Variants in ECPAS observed in about 807,000 individuals in gnomAD.
The protein encoded by ECPAS is proteasome adapter and scaffold protein ECM29.
In ECPAS, 70 loss-of-function variants were observed where a neutral mutation model predicts 255.1. The ratio of observed to expected loss-of-function variants is 0.27; its 90% CI spans 0.23 to 0.33. ECPAS has a LOEUF of 0.33. Ranked by LOEUF, ECPAS falls within the 10% of genes least tolerant of loss-of-function variation. ECPAS has a pLI of 1.00. For synonymous variants in ECPAS, 784 were observed against 775.0 expected (o/e 1.01, Z -0.19); for missense variants, 1,817 against 2,206.4 (o/e 0.82, Z 3.54).
At chr9:111,483,039 T>G (rs564470845) in intron 1 of ECPAS, among the ~76,000 whole-genome samples, 2 of 152,216 alleles carry the variant, frequency 1.3e-5, no homozygotes, top group Non-Finnish European at 2.9e-5. Flanking sequence ...ACCTTTCGGC[T>G]GATTACTAGA....
At chr9:111,366,174 T>G in intron 48 of ECPAS, 65 bp downstream of exon 48, 1 of 1,060,328 alleles carries the variant, frequency 9.4e-7, no homozygotes, top group Non-Finnish European at 1.4e-6. Context: ...TAGGAAATAT[T>G]TGAAGCTCAG....
At chr9:111,458,116 A>C (rs920448229) in intron 2 of ECPAS, among the ~76,000 whole-genome samples, 6 of 152,206 alleles carry the variant, frequency 3.9e-5, no homozygotes, top group Non-Finnish European at 8.8e-5. Context: ...ATACATTATT[A>C]ATATAGACTT....
chr9:111,395,100 C>CG (rs2131628028), intron 25 of ECPAS, among the ~76,000 whole-genome samples: 1 of 152,284 alleles, frequency 6.6e-6, no homozygotes, highest in East Asian at 1.9e-4. Context: ...AATTCCCCTC[C>CG]GCCCCTTGTC....
At chr9:111,456,139 A>G (rs1268584251) in intron 2 of ECPAS, among the ~76,000 whole-genome samples, 1 of 152,224 alleles carries the variant, frequency 6.6e-6, no homozygotes, top group Middle Eastern at 3.2e-3. Context: ...CTTCTTAACT[A>G]TGTAATAATA....
At chr9:111,424,314 T>C (rs997640594) in intron 12 of ECPAS, among the ~76,000 whole-genome samples, 1 of 152,204 alleles carries the variant, frequency 6.6e-6, no homozygotes, top group Admixed American at 6.5e-5. Context: ...TTCACAGTAA[T>C]CTAATCAAGC....
chr9:111,362,176 G>GAAAAAAAAAAAAA lies in ECPAS; in HGVS notation c.5381-8_5381-7insTTTTTTTTTTTTT. On this transcript the variant is annotated splice_region_variant and splice_polypyrimidine_tract_variant and intron_variant, in intron 49 of 49. Transcript: ENST00000684092. ...CATTCCCACTGTTTAGATTCTGCATGAAAAAAAAAAAACAAAAACAAAAAA... is the reference window on the plus strand; with the variant it reads ...CATTCCCACTGTTTAGATTCTGCATGAAAAAAAAAAAAAAAAAAAAAAAAACAAAAACAAAAAA... 1 of 1,187,954 alleles carries GAAAAAAAAAAAAA rather than the reference G, an allele frequency of 8.4e-7. No individual in the cohort carries two copies. Among genetic ancestry groups the GAAAAAAAAAAAAA allele is most frequent in the African/African-American group, 1.8e-5 (1 of 54,644 alleles). 73.6% of individuals were successfully genotyped at this position (1,187,954 alleles called of 1,614,324 possible). A position where few individuals can be genotyped will look rare whatever the true frequency, so the allele number is the denominator to read the frequency against.
intron 46 of ECPAS, 21 bp from the exon 47 acceptor site, chr9:111,366,648 G>A (rs1281992567): frequency 2.0e-6 from 3 of 1,508,212 alleles, no homozygotes; most frequent in African/African-American, 1.4e-5. Context: ...AAGACAAGGT[G>A]GGACAGAGCA....
At chr9:111,454,545 A>G (rs1348431215) in intron 2 of ECPAS, among the ~76,000 whole-genome samples, 1 of 152,168 alleles carries the variant, frequency 6.6e-6, no homozygotes, top group Non-Finnish European at 1.5e-5. Flanking sequence ...TGGCTACACC[A>G]GAGGAAAAGG....
chr9:111,480,744 C>T (rs975330717), intron 1 of ECPAS, among the ~76,000 whole-genome samples: 1 of 152,198 alleles, frequency 6.6e-6, no homozygotes, highest in African/African-American at 2.4e-5. Flanking sequence ...TTCAGTCTCT[C>T]CTGAAGAAAT....
chr9:111,397,993 A>C (rs2098170132), intron 24 of ECPAS, among the ~76,000 whole-genome samples: 1 of 152,240 alleles, frequency 6.6e-6, no homozygotes, highest in Non-Finnish European at 1.5e-5. Flanking sequence ...CTGACCCAAC[A>C]TGTAACTACC....
intron 17 of ECPAS, among the ~76,000 whole-genome samples, chr9:111,417,461 G>A (rs1370712265): frequency 6.6e-6 from 1 of 151,996 alleles, no homozygotes; most frequent in Non-Finnish European, 1.5e-5. Context: ...AACTTTATGA[G>A]TCAGCTGGGC....
chr9:111,417,966 A>G lies in ECPAS; in HGVS notation c.1600T>C (p.Cys534Arg). The G allele has an allele frequency of 1.2e-6, 2 of 1,607,842 alleles. No individual in the cohort carries two copies. The highest frequency in any genetic ancestry group is 1.7e-6 in the Non-Finnish European group (2 of 1,177,084). The change falls in exon 17 of 50, where the codon TGT (cysteine) becomes CGT (arginine). Residue 534 changes from cysteine to arginine, a missense_variant. Transcript: ENST00000684092. ...TCTTTTCTGTTTCTACCTGGAAGACACCTTAATACGCGTTGTGCTTCTCCA... is the reference window on the plus strand; with the variant it reads ...TCTTTTCTGTTTCTACCTGGAAGACGCCTTAATACGCGTTGTGCTTCTCCA... ...VHGEAQRVLR[C>R]LPGRNRKEST...
At chr9:111,416,508 C>T (rs140409561) in intron 17 of ECPAS, among the ~76,000 whole-genome samples, 156 bp from the exon 18 acceptor site, 2 of 152,314 alleles carry the variant, frequency 1.3e-5, no homozygotes, top group East Asian at 3.9e-4. Flanking sequence ...CCATGCTGAT[C>T]GTGCATGTCC....
intron 2 of ECPAS, among the ~76,000 whole-genome samples, chr9:111,467,895 C>T (rs2098281492): frequency 6.6e-6 from 1 of 152,156 alleles, no homozygotes; most frequent in South Asian, 2.1e-4. Context: ...CAGAGGTCAC[C>T]ATGTGAATGA....
chr9:111,382,811 T>C (rs7030830), intron 35 of ECPAS, among the ~76,000 whole-genome samples: 104,667 of 152,128 alleles, frequency 0.69, 36,426 homozygotes, highest in African/African-American at 0.78. Context: ...CTTAAAGTAG[T>C]CATATATTAT....
chr9:111,391,935 G>C, intron 28 of ECPAS, 111 bp from the exon 29 acceptor site: 1 of 792,190 alleles, frequency 1.3e-6, no homozygotes, highest in Non-Finnish European at 2.1e-6. Flanking sequence ...CATTTACTGT[G>C]TACAAGATAT....
At chr9:111,370,383 A>T in intron 45 of ECPAS, 52 bp downstream of exon 45, 1 of 1,269,752 alleles carries the variant, frequency 7.9e-7, no homozygotes, top group Admixed American at 2.8e-5. Context: ...ACAATTTTTT[A>T]ACTTTTTCTT....
intron 41 of ECPAS, 23 bp downstream of exon 41, chr9:111,373,147 A>AT (rs1264747329): frequency 6.3e-7 from 1 of 1,597,024 alleles, no homozygotes; most frequent in South Asian, 1.1e-5. Flanking sequence ...TTAAAATGAC[A>AT]TAAAATAGAA....
chr9:111,459,892 G>A (rs962235716), intron 2 of ECPAS, among the ~76,000 whole-genome samples: 1 of 152,122 alleles, frequency 6.6e-6, no homozygotes, highest in Admixed American at 6.6e-5. Context: ...TTCCAGAGAA[G>A]AGAAAAAGGT....
Sources: gnomAD v4.1 joint callset for allele counts (sites outside exome capture counted in the v4.1 genomes callset) on GRCh38, gnomAD v4.1.1 for gene constraint, MANE v1.5 for transcripts, NCBI Gene and HGNC (gene_info 2026-07-23, HGNC 2026-07-21) for gene names.